HDAC8: variants seen among roughly 807,000 people sequenced by gnomAD.
HDAC8 encodes the protein histone deacetylase-like 1.
Under a neutral mutation model 32.2 loss-of-function variants are expected in HDAC8, and 1 was observed. The ratio of observed to expected loss-of-function variants is 0.03; its 90% CI spans 0.01 to 0.15. The LOEUF (loss-of-function observed/expected upper bound fraction) is 0.15, where lower values mean the gene tolerates loss of function less well. Among genes scored for constraint, HDAC8 ranks in the 10% least tolerant of loss-of-function variants. The pLI, the probability that HDAC8 is intolerant of heterozygous loss-of-function variation, is 1.00. For synonymous variants in HDAC8, 108 were observed against 113.9 expected (o/e 0.95, Z 0.33); for missense variants, 117 against 300.0 (o/e 0.39, Z 4.51).
At chrX:72,566,198 C>T (rs782481102) in intron 4 of HDAC8, among the ~76,000 whole-genome samples, 14 of 106,324 alleles carry the variant, frequency 1.3e-4, no homozygotes, top group African/African-American at 4.8e-4. Flanking sequence ...GTGGCACATA[C>T]CTGTAATGCC....
intron 9 of HDAC8, among the ~76,000 whole-genome samples, chrX:72,371,879 G>T (rs1194950684): frequency 1.8e-5 from 2 of 112,009 alleles, no homozygotes; most frequent in African/African-American, 3.3e-5. Flanking sequence ...TCACATTTTA[G>T]TGGGAGGGGA....
intron 9 of HDAC8, among the ~76,000 whole-genome samples, chrX:72,440,518 A>G (rs781936924): frequency 8.9e-6 from 1 of 112,471 alleles, no homozygotes; most frequent in Admixed American, 9.4e-5. Context: ...ACCCTTCAAA[A>G]AAAAATCAAT....
chrX:72,560,351 T>C (rs1241386095), intron 4 of HDAC8, among the ~76,000 whole-genome samples: 3 of 109,309 alleles, frequency 2.7e-5, no homozygotes, highest in Non-Finnish European at 5.7e-5. Flanking sequence ...GTTAAACAGA[T>C]GCTTGAAGGC....
chrX:72,339,182 G>C (rs1285977999), intron 10 of HDAC8, among the ~76,000 whole-genome samples: 1 of 111,423 alleles, frequency 9.0e-6, no homozygotes, highest in Non-Finnish European at 1.9e-5. Flanking sequence ...GAGAATCTTA[G>C]ATGGTATGCA....
intron 10 of HDAC8, among the ~76,000 whole-genome samples, chrX:72,332,056 C>CT (rs1270519096): frequency 1.8e-5 from 2 of 112,136 alleles, no homozygotes; most frequent in Admixed American, 9.4e-5. Context: ...GATAGATAGG[C>CT]TTTTTTCACT....
At chrX:72,433,827 T>C (rs1248256250) in intron 9 of HDAC8, among the ~76,000 whole-genome samples, 1 of 112,323 alleles carries the variant, frequency 8.9e-6, no homozygotes, top group Non-Finnish European at 1.9e-5. Flanking sequence ...TGGTGAAAGC[T>C]TAGCTTGGCC....
chrX:72,330,652 T>C (rs1423142726), intron 10 of HDAC8, among the ~76,000 whole-genome samples: 3 of 111,073 alleles, frequency 2.7e-5, no homozygotes, highest in African/African-American at 9.8e-5. Flanking sequence ...TCATTTGAAA[T>C]CCTACCGGAC....
intron 5 of HDAC8, among the ~76,000 whole-genome samples, chrX:72,492,146 G>A (rs1352617221): frequency 8.9e-6 from 1 of 111,852 alleles, no homozygotes; most frequent in African/African-American, 3.2e-5. Flanking sequence ...TAGAAATGAA[G>A]TCTTAAACAA....
At chrX:72,364,654 C>T (rs1464552630) in intron 9 of HDAC8, among the ~76,000 whole-genome samples, 2 of 111,321 alleles carry the variant, frequency 1.8e-5, no homozygotes, top group African/African-American at 3.3e-5. Context: ...TGTTTAGAGG[C>T]ATTGAATTTT....
chrX:72,472,852 C>G (rs1202141477), intron 7 of HDAC8, among the ~76,000 whole-genome samples: 1 of 110,877 alleles, frequency 9.0e-6, no homozygotes, highest in South Asian at 3.9e-4. Flanking sequence ...TCAGATTCCT[C>G]CCTTTTCCTG....
At chrX:72,522,345 C>CCTTGA (rs2050009007) in intron 4 of HDAC8, among the ~76,000 whole-genome samples, 1 of 112,341 alleles carries the variant, frequency 8.9e-6, no homozygotes, top group Admixed American at 9.4e-5. Context: ...ATTAAACTTG[C>CCTTGA]CTTGACTCTA....
chrX:72,433,416 T>C (rs1375409840), intron 9 of HDAC8, among the ~76,000 whole-genome samples: 6 of 112,209 alleles, frequency 5.3e-5, no homozygotes, highest in Admixed American at 9.4e-5. Context: ...TGAAACATAA[T>C]AGAATGGTCA....
intron 9 of HDAC8, among the ~76,000 whole-genome samples, chrX:72,352,070 C>T (rs1234575580): frequency 8.9e-6 from 1 of 111,936 alleles, no homozygotes; most frequent in Non-Finnish European, 1.9e-5. Flanking sequence ...GTCCAACGGT[C>T]TCTCTGCTTA....
intron 7 of HDAC8, among the ~76,000 whole-genome samples, chrX:72,468,902 T>A (rs1340953541): frequency 8.9e-6 from 1 of 111,750 alleles, no homozygotes; most frequent in Non-Finnish European, 1.9e-5. Context: ...AGAGACCTAT[T>A]TTTTCCCCCT....
intron 7 of HDAC8, among the ~76,000 whole-genome samples, chrX:72,476,507 A>G (rs1270013522): frequency 2.7e-5 from 3 of 111,528 alleles, no homozygotes; most frequent in Non-Finnish European, 5.6e-5. Flanking sequence ...GTGTCACATC[A>G]TTTGACCAAA....
intron 9 of HDAC8, among the ~76,000 whole-genome samples, chrX:72,379,658 C>T (rs916196128): frequency 2.8e-5 from 3 of 108,927 alleles, no homozygotes; most frequent in African/African-American, 6.7e-5. Context: ...CCATGACGCC[C>T]GGCTAATTTT....
chrX:72,441,962 A>C (rs1480783494), intron 9 of HDAC8, among the ~76,000 whole-genome samples: 1 of 111,551 alleles, frequency 9.0e-6, no homozygotes. Flanking sequence ...GAATGAAATG[A>C]AGTGAGAAGG....
chrX:72,452,133 A>G (rs1223990968), intron 9 of HDAC8, among the ~76,000 whole-genome samples: 2 of 112,784 alleles, frequency 1.8e-5, no homozygotes, highest in African/African-American at 6.4e-5. Flanking sequence ...AAAAACTTAC[A>G]GAAAAACAAT....
intron 4 of HDAC8, among the ~76,000 whole-genome samples, chrX:72,559,719 G>A (rs1464843906): frequency 6.7e-5 from 7 of 105,250 alleles, no homozygotes; most frequent in African/African-American, 1.8e-4. Flanking sequence ...CTGCCCAGCC[G>A]GGACCCCATC....
Sources: gnomAD v4.1 joint callset for allele counts (sites outside exome capture counted in the v4.1 genomes callset) on GRCh38, gnomAD v4.1.1 for gene constraint, MANE v1.5 for transcripts, NCBI Gene and HGNC (gene_info 2026-07-23, HGNC 2026-07-21) for gene names.